Variants in ARFGEF2 observed in about 807,000 individuals in gnomAD.
ARFGEF2 encodes ARF guanine nucleotide exchange factor 2.
A neutral mutation model predicts 219.9 loss-of-function variants in ARFGEF2; 74 were observed. That is an observed-to-expected ratio of 0.34 (90% CI 0.28 to 0.41). ARFGEF2 has a LOEUF of 0.41. Ranked by LOEUF, ARFGEF2 falls within the 10% of genes least tolerant of loss-of-function variation. The probability of loss-of-function intolerance (pLI) is 1.00; values close to 1 mark genes in which losing one functional copy is unlikely to be tolerated. For synonymous variants in ARFGEF2, 733 were observed against 799.2 expected (o/e 0.92, Z 1.40); for missense variants, 1,743 against 2,218.3 (o/e 0.79, Z 4.30).
chr20:48,921,796 C>G lies in ARFGEF2; in HGVS notation c.-94C>G. ...ACGGGGCGGCGCGGACGGACGCGGC[C>G]GGTGCCGGCCGGGACGCCGGGCCCG... On this transcript the variant is annotated 5_prime_UTR_variant, in exon 1 of 39. Transcript: ENST00000371917. 2.5e-6 allele frequency: 3 copies of G among 1,179,270 alleles called. No individual in the cohort carries two copies. The highest frequency in any genetic ancestry group is 2.1e-6 in the Non-Finnish European group (2 of 947,800). The allele number at this position is 1,179,270 out of a possible 1,614,324, so 73.1% of individuals were successfully genotyped here. A position where few individuals can be genotyped will look rare whatever the true frequency, so the allele number is the denominator to read the frequency against.
intron 3 of ARFGEF2, among the ~76,000 whole-genome samples, chr20:48,947,736 G>T (rs1299902391): frequency 6.6e-6 from 1 of 151,996 alleles, no homozygotes; most frequent in Non-Finnish European, 1.5e-5. Flanking sequence ...TGCGCCTGTG[G>T]TTCCAACTAC....
chr20:49,028,803 G>A, intron 37 of ARFGEF2, 135 bp downstream of exon 37: 1 of 905,738 alleles, frequency 1.1e-6, no homozygotes, highest in Non-Finnish European at 1.7e-6. Flanking sequence ...TCTATTTGGT[G>A]ACTCTCCCAT....
chr20:49,003,074 T>G (rs2091435166), intron 25 of ARFGEF2, among the ~76,000 whole-genome samples: 2 of 150,906 alleles, frequency 1.3e-5, no homozygotes. Context: ...TTCAGGCAAT[T>G]CTCCTGCCTC....
intron 36 of ARFGEF2, among the ~76,000 whole-genome samples, chr20:49,027,070 CT>C (rs886274369): frequency 2.0e-4 from 29 of 146,090 alleles, no homozygotes; most frequent in African/African-American, 5.2e-4. Flanking sequence ...AGAATGTGTT[CT>C]TTTTTTTTTA....
chr20:48,999,969 C>G (rs1600645304), intron 25 of ARFGEF2, among the ~76,000 whole-genome samples: 1 of 152,072 alleles, frequency 6.6e-6, no homozygotes, highest in African/African-American at 2.4e-5. Flanking sequence ...AGAGGAAAAT[C>G]TTAAAAAGTA....
chr20:48,989,995 C>T (rs1245056237), intron 20 of ARFGEF2, among the ~76,000 whole-genome samples: 1 of 152,150 alleles, frequency 6.6e-6, no homozygotes, highest in Non-Finnish European at 1.5e-5. Context: ...GCCTAACCAA[C>T]ATGGAGAAAC....
chr20:49,011,652 C>T (rs2091499114), intron 27 of ARFGEF2, among the ~76,000 whole-genome samples: 1 of 152,168 alleles, frequency 6.6e-6, no homozygotes, highest in Non-Finnish European at 1.5e-5. Flanking sequence ...ACATAGTTGG[C>T]GTTCAATAAA....
In ARFGEF2 at chr20:48,960,810, G is replaced by A. The variant is rs1296957245; in HGVS notation, c.839-3020G>A. Among the ~76,000 whole-genome samples the A allele has an allele frequency of 6.0e-5, 9 of 150,110 alleles. No homozygotes were observed. The South Asian group carries it at 6.3e-4, about 11-fold the overall frequency. On this transcript the variant is annotated intron_variant, in intron 6 of 38. Coordinates refer to ENST00000371917, the MANE Select transcript of ARFGEF2 (RefSeq NM_006420.3). ...TAAAATTAATTTTCTGGCTGGGCGCGGTGGCTTATGCCTGTAATCCCAGCA... is the reference window on the plus strand; with the variant it reads ...TAAAATTAATTTTCTGGCTGGGCGCAGTGGCTTATGCCTGTAATCCCAGCA...
At chr20:49,031,796 G>A (rs1348692612) in intron 37 of ARFGEF2, among the ~76,000 whole-genome samples, 3 of 151,990 alleles carry the variant, frequency 2.0e-5, no homozygotes, top group Admixed American at 2.0e-4. Flanking sequence ...CAAGCATGTA[G>A]TGTTAGCTGC....
At chr20:48,925,795 C>T (rs2090873121) in intron 1 of ARFGEF2, among the ~76,000 whole-genome samples, 1 of 152,096 alleles carries the variant, frequency 6.6e-6, no homozygotes, top group Admixed American at 6.6e-5. Flanking sequence ...TGAGATCATG[C>T]CATTGCACTC....
intron 6 of ARFGEF2, among the ~76,000 whole-genome samples, chr20:48,954,566 T>C (rs1202768174): frequency 2.0e-5 from 3 of 152,242 alleles, no homozygotes; most frequent in Non-Finnish European, 2.9e-5. Context: ...TCATTTCTTC[T>C]TCAGCCACAT....
intron 37 of ARFGEF2, 99 bp from the exon 38 acceptor site, chr20:49,031,950 A>T: frequency 2.0e-6 from 2 of 978,732 alleles, no homozygotes; most frequent in Non-Finnish European, 3.2e-6. Flanking sequence ...AAAACATGTT[A>T]AAATAATTTT....
chr20:48,936,094 C>G (rs1169834108), intron 1 of ARFGEF2, among the ~76,000 whole-genome samples: 1 of 145,754 alleles, frequency 6.9e-6, no homozygotes, highest in East Asian at 2.1e-4. Flanking sequence ...CCACCTCCCT[C>G]CCGGACGGGG....
rs761318717 is a variant in ARFGEF2, at chr20:48,984,788, C to T, written c.2018C>T (p.Thr673Met). Residue 673 changes from threonine (T) to methionine (M), a missense_variant, in exon 15 of 39, where the codon ACG becomes ATG. Thr to Met is a moderately conservative substitution (Grantham distance 81, BLOSUM62 -1). This residue lies in a region of ARFGEF2 where 666 missense variants were observed against 955.4 expected (regional missense o/e 0.70). Coordinates refer to ENST00000371917, the MANE Select transcript of ARFGEF2 (RefSeq NM_006420.3). ...CTCCAGGAGCAGGGCATGCTGGGAA[C>T]GTCAGTTGAAGACATAGCCCAATTC... ...QFLQEQGMLG[T>M]SVEDIAQFLH... 8 of 1,613,344 alleles carry T rather than the reference C, an allele frequency of 5.0e-6. No individual in the cohort carries two copies. The highest frequency in any genetic ancestry group is 2.2e-5 in the East Asian group (1 of 44,870).
chr20:48,927,409 C>T (rs771993396), intron 1 of ARFGEF2, among the ~76,000 whole-genome samples: 27 of 152,114 alleles, frequency 1.8e-4, no homozygotes, highest in Non-Finnish European at 3.4e-4. Flanking sequence ...TGTAACGTGG[C>T]GGGGCATGGT....
intron 8 of ARFGEF2, among the ~76,000 whole-genome samples, chr20:48,967,135 T>C (rs892723399): frequency 3.9e-5 from 6 of 152,292 alleles, no homozygotes; most frequent in African/African-American, 1.4e-4. Context: ...CTTGAGCCAC[T>C]GTATCCAACC....
rs573923285 is a variant in ARFGEF2 at position 48,939,530 on chromosome 20, A to G, written c.122-1669A>G. ...AGCTGATAGCTTGGCTGCCAGCCTC[A>G]TGGGCTGGATCACCCACAACTTCAT... On this transcript the variant is annotated intron_variant, in intron 1 of 38. Coordinates refer to ENST00000371917, the MANE Select transcript of ARFGEF2 (RefSeq NM_006420.3). Among the ~76,000 whole-genome samples, 4 of 152,200 alleles carry G rather than the reference A, an allele frequency of 2.6e-5. No homozygotes were observed. In the East Asian group the frequency reaches 7.8e-4, roughly 29 times the overall value.
chr20:49,023,400 A>T (rs1403081488), intron 35 of ARFGEF2, among the ~76,000 whole-genome samples: 1 of 151,788 alleles, frequency 6.6e-6, no homozygotes. Flanking sequence ...TCAGGGCTTC[A>T]TTTTTTTTAT....
intron 6 of ARFGEF2, among the ~76,000 whole-genome samples, chr20:48,961,395 T>G (rs1007699544): frequency 2.0e-5 from 3 of 152,140 alleles, no homozygotes; most frequent in African/African-American, 7.2e-5. Flanking sequence ...TTCATATCAC[T>G]GTCTTCCACC....
Sources: allele counts gnomAD v4.1 joint callset (sites outside exome capture counted in the v4.1 genomes callset), GRCh38; gene constraint gnomAD v4.1.1; regional missense constraint gnomAD v4.1.1; transcripts MANE v1.5; gene names NCBI Gene and HGNC (gene_info 2026-07-23, HGNC 2026-07-21).